Variants in SLC35F3 observed in about 807,000 individuals in gnomAD.
The protein encoded by SLC35F3 is putative thiamine transporter SLC35F3.
A neutral mutation model predicts 49.9 loss-of-function variants in SLC35F3; 25 were observed. That is an observed-to-expected ratio of 0.50 (90% CI 0.37 to 0.70). SLC35F3 has a LOEUF of 0.70. Among genes scored for constraint, SLC35F3 ranks in the 30% least tolerant of loss-of-function variants. The probability of loss-of-function intolerance (pLI) is 0.00; values close to 1 mark genes in which losing one functional copy is unlikely to be tolerated. For missense variants in SLC35F3, 525 were observed against 639.8 expected (o/e 0.82, Z 1.94); for synonymous variants, 275 against 265.4 (o/e 1.04, Z -0.35).
intron 2 of SLC35F3, among the ~76,000 whole-genome samples, chr1:234,039,099 G>T (rs12137822): frequency 0.13 from 19,969 of 152,208 alleles, 1,623 homozygotes; most frequent in Non-Finnish European, 0.18. Flanking sequence ...AGAGTTACTT[G>T]TTTGAGAGTC....
At chr1:233,949,799 C>T (rs1047937643) in intron 2 of SLC35F3, among the ~76,000 whole-genome samples, 1 of 152,018 alleles carries the variant, frequency 6.6e-6, no homozygotes. Flanking sequence ...GAACGTAAGA[C>T]ATCAGGGAAC....
At chr1:234,050,216 G>A (rs1664354609) in intron 2 of SLC35F3, among the ~76,000 whole-genome samples, 2 of 152,206 alleles carry the variant, frequency 1.3e-5, no homozygotes, top group Admixed American at 1.3e-4. Context: ...TCGCCACACT[G>A]TCTTCCACAA....
chr1:233,950,728 C>T (rs1359221829), intron 2 of SLC35F3, among the ~76,000 whole-genome samples: 1 of 152,152 alleles, frequency 6.6e-6, no homozygotes, highest in East Asian at 1.9e-4. Context: ...TATCACACTT[C>T]ATCCCTTTCC....
chr1:234,224,963 G>A (rs535104003), intron 2 of SLC35F3, among the ~76,000 whole-genome samples: 1 of 152,262 alleles, frequency 6.6e-6, no homozygotes, highest in East Asian at 1.9e-4. Flanking sequence ...ATTATCTATA[G>A]ATTATGTTCT....
intron 3 of SLC35F3, among the ~76,000 whole-genome samples, chr1:234,245,540 C>T (rs1572112528): frequency 6.6e-6 from 1 of 152,238 alleles, no homozygotes; most frequent in Admixed American, 6.5e-5. Context: ...GTTTCAGTTA[C>T]TATTACTCTT....
intron 3 of SLC35F3, among the ~76,000 whole-genome samples, chr1:234,263,789 A>G (rs1667939431): frequency 6.6e-6 from 1 of 152,196 alleles, no homozygotes; most frequent in African/African-American, 2.4e-5. Flanking sequence ...GCTGGCTGAC[A>G]TTAGAATCAC....
intron 3 of SLC35F3, among the ~76,000 whole-genome samples, chr1:234,253,570 G>A (rs1253750574): frequency 6.6e-6 from 1 of 152,026 alleles, no homozygotes; most frequent in Non-Finnish European, 1.5e-5. Flanking sequence ...GATGGGAAGA[G>A]GGCAAATGGT....
At position 234,105,125 on chromosome 1, in the gene SLC35F3, T is replaced by TA. The variant is rs4027096; in HGVS notation, c.284-126274dup. On this transcript the variant is annotated intron_variant, in intron 2 of 7. Transcript: ENST00000366618. ...CCTGGGCGACAATGTGAGACTCCGT[T>TA]AAAAAAAAAAAAAAAAAACCTTTGG... Among the ~76,000 whole-genome samples, 1,076 of 130,388 alleles carry TA rather than the reference T, an allele frequency of 8.3e-3. 10 individuals carry two copies. Among genetic ancestry groups the TA allele is most frequent in the East Asian group, 0.025 (109 of 4,380 alleles). The allele number at this position is 130,388 out of a possible 152,430, so 85.5% of individuals were successfully genotyped here. A position where few individuals can be genotyped will look rare whatever the true frequency, so the allele number is the denominator to read the frequency against.
chr1:234,232,614 C>T (rs1667403214), intron 3 of SLC35F3, among the ~76,000 whole-genome samples: 1 of 151,826 alleles, frequency 6.6e-6, no homozygotes, highest in African/African-American at 2.4e-5. Flanking sequence ...TTTATCAGCC[C>T]CAGAGGTGAG....
At chr1:234,114,074 T>C (rs987949847) in intron 2 of SLC35F3, among the ~76,000 whole-genome samples, 5 of 152,192 alleles carry the variant, frequency 3.3e-5, no homozygotes, top group African/African-American at 1.2e-4. Context: ...CCACTATGGC[T>C]GGTTTCAAAC....
intron 2 of SLC35F3, among the ~76,000 whole-genome samples, chr1:234,108,048 G>GA (rs1042111026): frequency 1.3e-4 from 20 of 149,876 alleles, no homozygotes; most frequent in South Asian, 1.3e-3. Flanking sequence ...GCCCCCTAAG[G>GA]AAAAAAAAGC....
intron 2 of SLC35F3, among the ~76,000 whole-genome samples, chr1:234,144,786 CAAAT>C (rs928397454): frequency 4.6e-5 from 7 of 152,028 alleles, no homozygotes; most frequent in Admixed American, 2.6e-4. Context: ...CGTGTGAAAA[CAAAT>C]AAATATTGTG....
intron 2 of SLC35F3, among the ~76,000 whole-genome samples, chr1:234,211,343 CCACTGT>C (rs1667043977): frequency 2.0e-5 from 3 of 152,204 alleles, no homozygotes; most frequent in Non-Finnish European, 4.4e-5. Context: ...GAGAAGAGGG[CCACTGT>C]CCTCCAGACC....
At chr1:234,243,343 G>A (rs772417704) in intron 3 of SLC35F3, among the ~76,000 whole-genome samples, 6 of 151,844 alleles carry the variant, frequency 4.0e-5, no homozygotes, top group Admixed American at 6.6e-5. Context: ...GTGAGACTCC[G>A]CCTCAAAAAA....
At chr1:234,060,019 C>T (rs542809086) in intron 2 of SLC35F3, among the ~76,000 whole-genome samples, 71 of 152,342 alleles carry the variant, frequency 4.7e-4, no homozygotes, top group Middle Eastern at 3.4e-3. Flanking sequence ...ATCAATATTG[C>T]ATCCTTCAAT....
chr1:234,067,663 G>A (rs1429620537), intron 2 of SLC35F3, among the ~76,000 whole-genome samples: 5 of 152,184 alleles, frequency 3.3e-5, no homozygotes, highest in Non-Finnish European at 7.4e-5. Context: ...GGCAAAGAGA[G>A]TCCCAGCCAA....
At chr1:234,084,627 G>C (rs1178841759) in intron 2 of SLC35F3, among the ~76,000 whole-genome samples, 2 of 152,170 alleles carry the variant, frequency 1.3e-5, no homozygotes, top group Non-Finnish European at 2.9e-5. Flanking sequence ...AGAAGATCTT[G>C]ATTGACTGAA....
At chr1:233,945,627 A>G (rs1403228632) in intron 2 of SLC35F3, among the ~76,000 whole-genome samples, 1 of 152,222 alleles carries the variant, frequency 6.6e-6, no homozygotes, top group Non-Finnish European at 1.5e-5. Flanking sequence ...TTGAGTTATA[A>G]TAATCCCCAT....
chr1:234,250,311 G>C lies in SLC35F3; in HGVS notation c.608+18570G>C, dbSNP rs976706555. Among the ~76,000 whole-genome samples, 6 of 152,232 alleles carry C rather than the reference G, an allele frequency of 3.9e-5. No homozygotes were observed. The East Asian group carries it at 1.2e-3, about 29-fold the overall frequency. ...GGGGCAATGGCCCCTGTCTTCGCCT[G>C]TTTGTGTTGCTATAAAGGAATACCT... On this transcript the variant is annotated intron_variant, in intron 3 of 7. Transcript: ENST00000366618.
Sources: gnomAD v4.1 joint callset for allele counts (sites outside exome capture counted in the v4.1 genomes callset) on GRCh38, gnomAD v4.1.1 for gene constraint, MANE v1.5 for transcripts, NCBI Gene and HGNC (gene_info 2026-07-23, HGNC 2026-07-21) for gene names.